The following ARHGAP10 variants were observed in gnomAD, a reference collection of about 807,000 sequenced individuals.
The protein encoded by ARHGAP10 is rho GTPase-activating protein 10.
In ARHGAP10, 87 loss-of-function variants were observed where a neutral mutation model predicts 108.6. The ratio of observed to expected loss-of-function variants is 0.80; its 90% confidence interval spans 0.67 to 0.96. ARHGAP10 has a LOEUF of 0.96. Among genes scored for constraint, ARHGAP10 ranks in the 40% least tolerant of loss-of-function variants. The pLI is 0.00. For synonymous variants in ARHGAP10, 347 were observed against 341.1 expected, an observed-to-expected ratio of 1.02 and a Z score of -0.19; for missense variants, 939 against 954.5, an observed-to-expected ratio of 0.98 and a Z score of 0.21.
chr4:147,775,357 C>G (rs1363990902), intron 1 of ARHGAP10, among the ~76,000 whole-genome samples: 1 of 152,174 alleles, frequency 6.6e-6, no homozygotes, highest in Non-Finnish European at 1.5e-5. Flanking sequence ...TAGGCTGAGG[C>G]TAATGGAGGT....
intron 1 of ARHGAP10, among the ~76,000 whole-genome samples, chr4:147,810,422 T>C (rs906803650): frequency 1.3e-5 from 2 of 152,326 alleles, no homozygotes; most frequent in Admixed American, 1.3e-4. Flanking sequence ...AATTAAAAGG[T>C]GCAACCAGTC....
chr4:147,909,438 G>T (rs879370519), intron 11 of ARHGAP10, among the ~76,000 whole-genome samples: 12 of 152,196 alleles, frequency 7.9e-5, no homozygotes, highest in Non-Finnish European at 1.5e-4. Context: ...GCCCCATCCT[G>T]AGATGGCCTA....
At chr4:148,019,713 C>T (rs369550623) in intron 18 of ARHGAP10, among the ~76,000 whole-genome samples, 2 of 151,526 alleles carry the variant, frequency 1.3e-5, no homozygotes, top group African/African-American at 2.4e-5. Context: ...CGAGCTGAGC[C>T]GAGATCGCGC....
chr4:147,815,032 C>T (rs2126776980), intron 1 of ARHGAP10, among the ~76,000 whole-genome samples: 1 of 152,274 alleles, frequency 6.6e-6, no homozygotes, highest in South Asian at 2.1e-4. Flanking sequence ...TTGTTTGCCC[C>T]TAGAGTCCAC....
intron 3 of ARHGAP10, among the ~76,000 whole-genome samples, chr4:147,839,130 ATCTATCTATCTATCTG>A (rs1250580984): frequency 1.5e-4 from 22 of 147,980 alleles, no homozygotes; most frequent in Middle Eastern, 7.0e-3. Flanking sequence ...CTATCTATCT[ATCTATCTATCTATCTG>A]TCTGTCTGTC....
intron 10 of ARHGAP10, among the ~76,000 whole-genome samples, chr4:147,901,855 C>T (rs556594454): frequency 6.6e-6 from 1 of 152,300 alleles, no homozygotes; most frequent in African/African-American, 2.4e-5. Context: ...ATACAACCAT[C>T]TATCTTGAGT....
At chr4:147,815,732 GT>G (rs11348253) in intron 1 of ARHGAP10, among the ~76,000 whole-genome samples, 147,215 of 152,236 alleles carry the variant, frequency 0.97, 71,193 homozygotes, top group East Asian at 1. Flanking sequence ...GGTGGTGGTG[GT>G]TTCATGCCTG....
intron 1 of ARHGAP10, among the ~76,000 whole-genome samples, chr4:147,745,057 AGAGG>A (rs1448279045): frequency 6.6e-6 from 1 of 152,130 alleles, no homozygotes; most frequent in African/African-American, 2.4e-5. Flanking sequence ...GAAAACCAGG[AGAGG>A]GTCTCAAAAG....
intron 19 of ARHGAP10, among the ~76,000 whole-genome samples, chr4:148,026,644 A>G (rs2149666215): frequency 6.6e-6 from 1 of 152,330 alleles, no homozygotes; most frequent in African/African-American, 2.4e-5. Flanking sequence ...TGGATATAGT[A>G]TCTGGCTAGT....
intron 18 of ARHGAP10, among the ~76,000 whole-genome samples, chr4:147,995,225 T>C (rs145152694): frequency 1.9e-3 from 285 of 152,342 alleles, no homozygotes; most frequent in African/African-American, 6.2e-3. Context: ...TAACCAGTTT[T>C]TATGTTTCAC....
At chr4:147,914,566 CCCTT>C (rs1560824093) in intron 13 of ARHGAP10, among the ~76,000 whole-genome samples, 2 of 107,174 alleles carry the variant, frequency 1.9e-5, no homozygotes, top group Admixed American at 1.2e-4. Context: ...TCCCCCCCCC[CCCTT>C]TTTTTTTTTA....
intron 1 of ARHGAP10, among the ~76,000 whole-genome samples, chr4:147,819,978 A>G (rs1732416740): frequency 1.3e-5 from 2 of 152,190 alleles, no homozygotes; most frequent in Non-Finnish European, 2.9e-5. Flanking sequence ...CAATGCGCAA[A>G]TATTGACTAA....
chr4:147,874,462 T>C (rs553147700), intron 7 of ARHGAP10, among the ~76,000 whole-genome samples: 1 of 152,310 alleles, frequency 6.6e-6, no homozygotes, highest in South Asian at 2.1e-4. Flanking sequence ...TGAGATTTTT[T>C]TTCCCCCTTC....
chr4:147,931,917 A>T (rs1414283122), intron 13 of ARHGAP10, among the ~76,000 whole-genome samples: 1 of 152,208 alleles, frequency 6.6e-6, no homozygotes, highest in African/African-American at 2.4e-5. Flanking sequence ...AAATTTTTGC[A>T]ATCTATCCAT....
chr4:147,785,635 G>A (rs568209116), intron 1 of ARHGAP10, among the ~76,000 whole-genome samples: 48 of 152,174 alleles, frequency 3.2e-4, no homozygotes, highest in African/African-American at 1.1e-3. Flanking sequence ...TATCATGTCT[G>A]AGCTCTTTTT....
rs79888265 is a variant in ARHGAP10 at position 147,836,208 on chromosome 4, G to A, written c.313-10943G>A. Among the ~76,000 whole-genome samples the A allele has an allele frequency of 3.3e-3, 502 of 152,270 alleles. 22 individuals are homozygous for A. In the East Asian group the frequency reaches 0.088, roughly 27 times the overall value. On this transcript the variant is annotated intron_variant, in intron 3 of 22. Transcript: ENST00000336498. ...GTAGAAGATAGATACTAAGAGAATC[G>A]TAGACTTTGGTGATACATTGACCTT...
At chr4:147,937,236 CCTCT>C (rs149627030) in intron 13 of ARHGAP10, among the ~76,000 whole-genome samples, 4,783 of 152,176 alleles carry the variant, frequency 0.031, 250 homozygotes, top group African/African-American at 0.11. Flanking sequence ...TCTTCTGAGG[CCTCT>C]CTCTGGCATG....
chr4:148,060,052 G>A (rs1729545010), intron 20 of ARHGAP10, among the ~76,000 whole-genome samples: 1 of 151,750 alleles, frequency 6.6e-6, no homozygotes, highest in African/African-American at 2.4e-5. Flanking sequence ...AGACAGATAT[G>A]CCTTAGGGCT....
rs1734153646 is a variant in ARHGAP10 at position 147,857,743 on chromosome 4, C to CTAT, written c.486+89_486+90insTAT. 3.5e-6 allele frequency: 4 copies of CTAT among 1,144,760 alleles called. No individual in the cohort carries two copies. In the Admixed American group the frequency reaches 1.3e-4, roughly 36 times the overall value. 70.9% of individuals were successfully genotyped at this position (1,144,760 alleles called of 1,614,324 possible). On this transcript the variant is annotated intron_variant, in intron 5 of 22. Coordinates refer to ENST00000336498, the MANE Select transcript of ARHGAP10 (RefSeq NM_024605.4). ...ATGTGCTTTAATTTGGATAACTTTT[C>CTAT]ATCTGGCATTATATAGAGATAACAA...
Sources: gnomAD v4.1 joint callset for allele counts (sites outside exome capture counted in the v4.1 genomes callset) on GRCh38, gnomAD v4.1.1 for gene constraint, MANE v1.5 for transcripts, NCBI Gene and HGNC (gene_info 2026-07-23, HGNC 2026-07-21) for gene names.